Variants in CLNK observed in about 807,000 individuals in gnomAD.
CLNK encodes cytokine dependent hematopoietic cell linker.
Under a neutral mutation model 68.6 loss-of-function variants are expected in CLNK, and 74 were observed. The observed-to-expected ratio is 1.08, with a 90% confidence interval of 0.89 to 1.31. The LOEUF (loss-of-function observed/expected upper bound fraction) is 1.31. Among genes scored for constraint, CLNK ranks in the 50% most tolerant of loss-of-function variants. CLNK has a pLI of 0.00. For missense variants in CLNK, 553 were observed against 515.3 expected (o/e 1.07, Z -0.71); for synonymous variants, 198 against 172.2 (o/e 1.15, Z -1.17).
At chr4:10,690,267 C>A in the CLNK span, among the ~76,000 whole-genome samples, 2 of 152,134 alleles carry the variant, frequency 1.3e-5, no homozygotes, top group African/African-American at 2.4e-5. Context: ...CTAAACCATC[C>A]CACAGGACAG....
In CLNK at chr4:10,489,456, A is replaced by G. The variant is rs1220184543; in HGVS notation, c.*1011T>C. Reference sequence around the variant, plus strand: ...TAGGATATAATCTGAGCTCTGTACTATGAATGTGTTAATTCCATTTGACTT... The same window carrying G: ...TAGGATATAATCTGAGCTCTGTACTGTGAATGTGTTAATTCCATTTGACTT... On this transcript the variant is annotated 3_prime_UTR_variant, in exon 19 of 19. Transcript: ENST00000226951. 2.0e-5 allele frequency: 3 copies of G among 152,110 alleles called. No individual in the cohort carries two copies. Among genetic ancestry groups the G allele is most frequent in the African/African-American group, 4.8e-5 (2 of 41,392 alleles). 9.4% of individuals were successfully genotyped at this position (152,110 alleles called of 1,614,324 possible).
rs558686246 is a variant in CLNK at position 10,514,512 on chromosome 4, A to G, written c.773-915T>C. Among the ~76,000 whole-genome samples, 1,289 of 144,216 alleles carry G rather than the reference A, an allele frequency of 8.9e-3. 24 individuals carry two copies. Among genetic ancestry groups the G allele is most frequent in the African/African-American group, 0.031 (1,202 of 38,834 alleles). The allele number at this position is 144,216 out of a possible 152,430, so 94.6% of individuals were successfully genotyped here. On this transcript the variant is annotated intron_variant, in intron 15 of 18. Coordinates refer to ENST00000226951, the MANE Select transcript of CLNK (RefSeq NM_052964.4). ...ACAAGCAATGGGGAAAGGATTCCCT[A>G]TTTAATAAATGGTGCTGGGAAAACT...
chr4:10,627,614 C>T (rs1467670914), intron 2 of CLNK, among the ~76,000 whole-genome samples: 1 of 152,120 alleles, frequency 6.6e-6, no homozygotes, highest in Non-Finnish European at 1.5e-5. Context: ...CAGAGAGGGA[C>T]AGAGAGAGAC....
intron 4 of CLNK, among the ~76,000 whole-genome samples, chr4:10,575,580 C>T (rs546526918): frequency 2.0e-5 from 3 of 152,360 alleles, no homozygotes; most frequent in East Asian, 3.9e-4. Flanking sequence ...GCTTGGCTGG[C>T]GTACATATCT....
At chr4:10,723,606 T>A in the CLNK span, among the ~76,000 whole-genome samples, 4 of 152,048 alleles carry the variant, frequency 2.6e-5, no homozygotes, top group African/African-American at 9.7e-5. Flanking sequence ...TTATGGGAAA[T>A]CATTTTTGCG....
chr4:10,694,279 T>G, the CLNK span, among the ~76,000 whole-genome samples: 3 of 151,560 alleles, frequency 2.0e-5, no homozygotes, highest in Admixed American at 2.0e-4. Context: ...GCCTTCAGCT[T>G]AGTATTCACA....
intron 2 of CLNK, among the ~76,000 whole-genome samples, chr4:10,638,488 G>C (rs1438228834): frequency 6.6e-6 from 1 of 152,192 alleles, no homozygotes; most frequent in Non-Finnish European, 1.5e-5. Context: ...AGGAGTCTAG[G>C]AACTAGAATT....
At chr4:10,730,567 A>C in the CLNK span, among the ~76,000 whole-genome samples, 1 of 152,168 alleles carries the variant, frequency 6.6e-6, no homozygotes, top group Non-Finnish European at 1.5e-5. Context: ...TGCAACTACA[A>C]GTGAAGTATG....
chr4:10,727,668 A>G, the CLNK span, among the ~76,000 whole-genome samples: 1 of 152,226 alleles, frequency 6.6e-6, no homozygotes, highest in Non-Finnish European at 1.5e-5. Flanking sequence ...CAGTCATCAG[A>G]ATGCTGACTG....
At chr4:10,677,330 T>C (rs1275783067) in intron 1 of CLNK, among the ~76,000 whole-genome samples, 2 of 152,136 alleles carry the variant, frequency 1.3e-5, no homozygotes, top group East Asian at 3.9e-4. Context: ...ACCTGATGTA[T>C]GCTGGTGATT....
At chr4:10,567,542 A>C (rs1720169609) in intron 5 of CLNK, among the ~76,000 whole-genome samples, 1 of 152,218 alleles carries the variant, frequency 6.6e-6, no homozygotes, top group Non-Finnish European at 1.5e-5. Flanking sequence ...CTTAGATAGA[A>C]CAAAAAAATA....
At chr4:10,688,051 A>C (rs1725331887), upstream of CLNK, among the ~76,000 whole-genome samples, 1 of 152,158 alleles carries the variant, frequency 6.6e-6, no homozygotes, top group African/African-American at 2.4e-5. Context: ...GAGGATGATA[A>C]TACTTACTCA....
chr4:10,600,291 C>T (rs1270398668), intron 2 of CLNK, among the ~76,000 whole-genome samples: 3 of 152,094 alleles, frequency 2.0e-5, no homozygotes, highest in African/African-American at 4.8e-5. Flanking sequence ...GCTTTGAGTC[C>T]CTCTGGTACT....
At chr4:10,670,933 A>G (rs1724603970) in intron 1 of CLNK, among the ~76,000 whole-genome samples, 1 of 152,220 alleles carries the variant, frequency 6.6e-6, no homozygotes, top group Non-Finnish European at 1.5e-5. Flanking sequence ...AAACCTCTGT[A>G]TATTATTTGA....
At chr4:10,635,165 A>G (rs1430270426) in intron 2 of CLNK, among the ~76,000 whole-genome samples, 3 of 152,222 alleles carry the variant, frequency 2.0e-5, no homozygotes, top group Non-Finnish European at 4.4e-5. Context: ...GAGAATTTGG[A>G]TACTACAACA....
At chr4:10,699,233 T>TAC in the CLNK span, among the ~76,000 whole-genome samples, 3,209 of 92,930 alleles carry the variant, frequency 0.035, 377 homozygotes, top group Non-Finnish European at 0.06. Context: ...TGTGTGTGTA[T>TAC]ACACACACAT....
intron 8 of CLNK, among the ~76,000 whole-genome samples, chr4:10,549,440 G>T (rs1194941624): frequency 6.6e-6 from 1 of 152,146 alleles, no homozygotes; most frequent in African/African-American, 2.4e-5. Context: ...GTGAGCTTTG[G>T]AACTGAATTT....
At chr4:10,598,898 C>A (rs1382006581) in intron 2 of CLNK, among the ~76,000 whole-genome samples, 1 of 152,204 alleles carries the variant, frequency 6.6e-6, no homozygotes, top group Non-Finnish European at 1.5e-5. Flanking sequence ...AAATTTGCCT[C>A]TTTCTGGTCC....
At chr4:10,640,599 A>G (rs1444686409) in intron 2 of CLNK, among the ~76,000 whole-genome samples, 1 of 152,208 alleles carries the variant, frequency 6.6e-6, no homozygotes, top group Non-Finnish European at 1.5e-5. Context: ...AAACCGCATG[A>G]ACATTCTTCA....
Sources: gnomAD v4.1 joint callset for allele counts (sites outside exome capture counted in the v4.1 genomes callset) on GRCh38, gnomAD v4.1.1 for gene constraint, MANE v1.5 for transcripts, NCBI Gene and HGNC (gene_info 2026-07-23, HGNC 2026-07-21) for gene names.